Variants in DUSP29 observed in about 807,000 individuals in gnomAD.
DUSP29 encodes the protein atypical dual-specific protein phosphatase.
A neutral mutation model predicts 13.5 loss-of-function variants in DUSP29; 12 were observed. The ratio of observed to expected loss-of-function variants is 0.89; its 90% CI spans 0.57 to 1.44. DUSP29 has a LOEUF of 1.44. Among genes scored for constraint, DUSP29 ranks in the 40% most tolerant of loss-of-function variants. The pLI is 0.00. For missense variants in DUSP29, 308 were observed against 301.1 expected, an observed-to-expected ratio of 1.02 and a Z score of -0.17; for synonymous variants, 134 against 128.7, an observed-to-expected ratio of 1.04 and a Z score of -0.28.
chr10:75,060,504 C>T (rs918766781), intron 1 of DUSP29, among the ~76,000 whole-genome samples: 7 of 151,042 alleles, frequency 4.6e-5, no homozygotes, highest in Non-Finnish European at 7.4e-5. Flanking sequence ...TTATTATGCA[C>T]GGTTGGAAGA....
intron 2 of DUSP29, among the ~76,000 whole-genome samples, chr10:75,057,899 C>T (rs373793421): frequency 3.3e-5 from 5 of 152,120 alleles, no homozygotes; most frequent in Non-Finnish European, 5.9e-5. Flanking sequence ...ACTTTGCTTT[C>T]GGAAGATGCC....
chr10:75,048,883 C>G (rs535085595), intron 2 of DUSP29, among the ~76,000 whole-genome samples: 1 of 152,202 alleles, frequency 6.6e-6, no homozygotes, highest in African/African-American at 2.4e-5. Flanking sequence ...CTGAAACTGA[C>G]GCATGAACTG....
chr10:75,043,865 G>A lies in DUSP29; in HGVS notation c.353C>T (p.Thr118Ile), dbSNP rs373213511. 26 of 1,614,064 alleles carry A rather than the reference G, an allele frequency of 1.6e-5. No individual in the cohort carries two copies. The African/African-American group carries it at 3.3e-4, about 21-fold the overall frequency. ...YHGVEADDLP[T>I]FDLSVFFYPA... ...GTAGAAGAAGACACTGAGGTCGAAG[G>A]TGGGCAGGTCGTCGGCCTCCACGCC... The change falls in exon 3 of 4, where the codon ACC becomes ATC. Residue 118 changes from threonine (T) to isoleucine (I), a missense_variant. By Grantham distance (89) the Thr-to-Ile change is moderately conservative (BLOSUM62 -1). Transcript: ENST00000338487.
At chr10:75,048,021 A>G (rs1358013229) in intron 2 of DUSP29, among the ~76,000 whole-genome samples, 1 of 152,194 alleles carries the variant, frequency 6.6e-6, no homozygotes, top group African/African-American at 2.4e-5. Context: ...CTATTTCATT[A>G]TATAGGTATG....
intron 3 of DUSP29, among the ~76,000 whole-genome samples, chr10:75,042,590 T>G (rs563573001): frequency 6.6e-6 from 1 of 152,006 alleles, no homozygotes; most frequent in Non-Finnish European, 1.5e-5. Context: ...GCTCTAAGGG[T>G]TTTTTTTCAT....
At chr10:75,071,397 C>T (rs1212805604) in intron 1 of DUSP29, among the ~76,000 whole-genome samples, 2 of 152,192 alleles carry the variant, frequency 1.3e-5, no homozygotes, top group African/African-American at 4.8e-5. Context: ...CTCAACTGGG[C>T]CTCCCTGGGG....
At chr10:75,069,448 C>G (rs1847274267) in intron 1 of DUSP29, among the ~76,000 whole-genome samples, 1 of 152,250 alleles carries the variant, frequency 6.6e-6, no homozygotes, top group Non-Finnish European at 1.5e-5. Context: ...CCATTTCCCA[C>G]TGGGCCTCAC....
chr10:75,062,816 G>A (rs1465001844), intron 1 of DUSP29, among the ~76,000 whole-genome samples: 1 of 152,170 alleles, frequency 6.6e-6, no homozygotes, highest in Admixed American at 6.5e-5. Flanking sequence ...AGGTCTCAAT[G>A]ACACACACAA....
At chr10:75,056,302 T>C (rs1589864307) in intron 2 of DUSP29, among the ~76,000 whole-genome samples, 1 of 151,056 alleles carries the variant, frequency 6.6e-6, no homozygotes, top group African/African-American at 2.4e-5. Flanking sequence ...CTGAGGCAGG[T>C]GGATCACCTG....
In DUSP29 at chr10:75,065,742, G is replaced by A. The variant is rs1847187878; in HGVS notation, c.-34-7194C>T. Among the ~76,000 whole-genome samples the A allele has an allele frequency of 2.0e-5, 3 of 151,764 alleles. 1 individual carries two copies. In the South Asian group the frequency reaches 6.2e-4, roughly 32 times the overall value. ...GCCTCACTCAGTTGCCCAGGCTGTG[G>A]TGCAGTGGTTCAATCATGGCTCGCT... On this transcript the variant is annotated intron_variant, in intron 1 of 3. Transcript: ENST00000338487.
At chr10:75,062,102 A>G (rs1319770799) in intron 1 of DUSP29, among the ~76,000 whole-genome samples, 2 of 152,220 alleles carry the variant, frequency 1.3e-5, no homozygotes, top group Admixed American at 1.3e-4. Flanking sequence ...AGGAGTGGCC[A>G]GAAATCTTTC....
At chr10:75,045,066 A>T (rs7901229) in intron 2 of DUSP29, among the ~76,000 whole-genome samples, 24 of 152,220 alleles carry the variant, frequency 1.6e-4, no homozygotes, top group African/African-American at 5.1e-4. Context: ...TGGTAAAGAA[A>T]TGAACAGGGG....
At chr10:75,038,710 T>C (rs912212407) in intron 3 of DUSP29, among the ~76,000 whole-genome samples, 1 of 20,348 alleles carries the variant, frequency 4.9e-5, no homozygotes, top group African/African-American at 2.0e-4. Flanking sequence ...GGAAGGGAGA[T>C]GGAGGGGGTG....
intron 1 of DUSP29, among the ~76,000 whole-genome samples, chr10:75,064,049 A>C (rs1380594134): frequency 6.6e-6 from 1 of 151,606 alleles, no homozygotes; most frequent in African/African-American, 2.4e-5. Flanking sequence ...ACTCTAGTTC[A>C]GACTTTTTTT....
Position 75,037,782 on chromosome 10 carries a change from G to C in DUSP29, c.*54C>G. On this transcript the variant is annotated 3_prime_UTR_variant, in exon 4 of 4. Coordinates refer to ENST00000338487, the MANE Select transcript of DUSP29 (RefSeq NM_001003892.3). ...CTCTGGAGTCCTAGGCCAGGGCTAT[G>C]TTCTGCCTCTCCCCTCTGTCCCCAA... 1 of 1,558,438 alleles carries C rather than the reference G, an allele frequency of 6.4e-7. No homozygotes were observed. Among genetic ancestry groups the C allele is most frequent in the Non-Finnish European group, 8.7e-7 (1 of 1,154,790 alleles).
intron 3 of DUSP29, among the ~76,000 whole-genome samples, chr10:75,041,787 C>T (rs1238747630): frequency 6.6e-6 from 1 of 152,176 alleles, no homozygotes; most frequent in African/African-American, 2.4e-5. Context: ...TCCGTTGGCC[C>T]TTTGTTTGCT....
At chr10:75,063,667 C>T (rs1041566084) in intron 1 of DUSP29, among the ~76,000 whole-genome samples, 42 of 152,150 alleles carry the variant, frequency 2.8e-4, no homozygotes, top group Admixed American at 2.6e-3. Flanking sequence ...TCTCCTCCCT[C>T]TTGGGTGCTC....
chr10:75,055,011 T>A (rs960622279), intron 2 of DUSP29, among the ~76,000 whole-genome samples: 5 of 152,132 alleles, frequency 3.3e-5, no homozygotes, highest in African/African-American at 9.7e-5. Flanking sequence ...AGAAAATTTT[T>A]AAAAATTTTT....
rs56741186 is a variant in DUSP29 at position 75,060,468 on chromosome 10, T to TAAA, written c.-34-1923_-34-1921dup. On this transcript the variant is annotated intron_variant, in intron 1 of 3. Transcript: ENST00000338487. The stretch of plus-strand genomic sequence containing the variant: ...TCCTGGGCAACACAGTGAGACCTTA[T>TAAA]AAAAAAAAAAAAAAAAACCCAAAAC... Among the ~76,000 whole-genome samples the TAAA allele has an allele frequency of 3.8e-4, 47 of 124,472 alleles. 1 individual carries two copies. Among genetic ancestry groups the TAAA allele is most frequent in the African/African-American group, 1.2e-3 (42 of 35,230 alleles). 81.7% of individuals were successfully genotyped at this position (124,472 alleles called of 152,430 possible).
Sources: allele counts gnomAD v4.1 joint callset (sites outside exome capture counted in the v4.1 genomes callset), GRCh38; gene constraint gnomAD v4.1.1; transcripts MANE v1.5; gene names NCBI Gene and HGNC (gene_info 2026-07-23, HGNC 2026-07-21).